Variants in MMRN1 observed in about 807,000 individuals in gnomAD.
The protein encoded by MMRN1 is multimerin-1.
A neutral mutation model predicts 100.7 loss-of-function variants in MMRN1; 94 were observed. The observed-to-expected ratio is 0.93, with a 90% CI of 0.79 to 1.11. The LOEUF is 1.11. Among genes scored for constraint, MMRN1 ranks in the 50% least tolerant of loss-of-function variants. The pLI is 0.00. For synonymous variants in MMRN1, 575 were observed against 505.0 expected (o/e 1.14, Z -1.86); for missense variants, 1,606 against 1,439.1 (o/e 1.12, Z -1.88).
chr4:89,939,478 G>T (rs1722756472), intron 6 of MMRN1, among the ~76,000 whole-genome samples: 1 of 151,908 alleles, frequency 6.6e-6, no homozygotes, highest in African/African-American at 2.4e-5. Context: ...TATATCTCAG[G>T]CACTGTGAAA....
chr4:89,889,433 T>C (rs1721002546), intron 1 of MMRN1, among the ~76,000 whole-genome samples: 1 of 152,150 alleles, frequency 6.6e-6, no homozygotes, highest in Non-Finnish European at 1.5e-5. Context: ...CAGTATCCAC[T>C]GCCTTATCAA....
intron 1 of MMRN1, among the ~76,000 whole-genome samples, chr4:89,884,739 G>A (rs577018017): frequency 6.6e-6 from 1 of 152,046 alleles, no homozygotes; most frequent in African/African-American, 2.4e-5. Context: ...TGGGACTACA[G>A]GAGTGTGCCA....
At chr4:89,907,882 G>C (rs1721621086) in intron 1 of MMRN1, among the ~76,000 whole-genome samples, 1 of 138,572 alleles carries the variant, frequency 7.2e-6, no homozygotes, top group African/African-American at 2.7e-5. Context: ...GTCCTGTTTT[G>C]CTGCTTTTTC....
chr4:89,901,271 T>C (rs777644188), intron 1 of MMRN1, among the ~76,000 whole-genome samples: 77 of 152,046 alleles, frequency 5.1e-4, no homozygotes, highest in Non-Finnish European at 1.1e-3. Context: ...CATACATATG[T>C]TAACATGTTA....
At chr4:89,916,542 A>G (rs1330429356) in intron 3 of MMRN1, among the ~76,000 whole-genome samples, 2 of 151,726 alleles carry the variant, frequency 1.3e-5, no homozygotes, top group South Asian at 4.1e-4. Flanking sequence ...AAATATGAAA[A>G]AAGCTTAATT....
chr4:89,881,803 A>G (rs1447387180), intron 1 of MMRN1, among the ~76,000 whole-genome samples: 1 of 151,994 alleles, frequency 6.6e-6, no homozygotes, highest in Non-Finnish European at 1.5e-5. Context: ...ACTACCTTTA[A>G]ACTTATAGTT....
At chr4:89,897,498 G>A (rs571787970) in intron 1 of MMRN1, among the ~76,000 whole-genome samples, 103 of 152,086 alleles carry the variant, frequency 6.8e-4, no homozygotes, top group Middle Eastern at 3.4e-3. Flanking sequence ...GTGAGCCACC[G>A]CACCCAGCCA....
At chr4:89,919,990 C>T (rs555904053) in intron 3 of MMRN1, among the ~76,000 whole-genome samples, 1 of 152,104 alleles carries the variant, frequency 6.6e-6, no homozygotes, top group African/African-American at 2.4e-5. Flanking sequence ...AATCTATGCA[C>T]TGCCTGACAT....
chr4:89,918,002 A>G (rs867472616), intron 3 of MMRN1, among the ~76,000 whole-genome samples: 1 of 151,786 alleles, frequency 6.6e-6, no homozygotes, highest in Non-Finnish European at 1.5e-5. Flanking sequence ...GGCCAAATTC[A>G]TCTGGCAGCA....
chr4:89,923,464 A>G (rs1295663480), intron 4 of MMRN1, among the ~76,000 whole-genome samples, 192 bp downstream of exon 4: 1 of 152,250 alleles, frequency 6.6e-6, no homozygotes, highest in Admixed American at 6.5e-5. Context: ...TGAAAAGACC[A>G]TGTATAACTA....
chr4:89,894,453 TAC>T (rs1217146211), upstream of MMRN1, among the ~76,000 whole-genome samples: 5 of 152,198 alleles, frequency 3.3e-5, no homozygotes, highest in African/African-American at 1.2e-4. Flanking sequence ...CATGTGGATA[TAC>T]ACTTGAACAA....
chr4:89,915,360 T>C (rs1721878637), intron 3 of MMRN1, among the ~76,000 whole-genome samples: 1 of 151,540 alleles, frequency 6.6e-6, no homozygotes, highest in African/African-American at 2.4e-5. Context: ...TACTTCAATT[T>C]ACCTAGTAAA....
chr4:89,898,420 T>C (rs988410909), intron 1 of MMRN1, among the ~76,000 whole-genome samples: 1 of 152,020 alleles, frequency 6.6e-6, no homozygotes, highest in Non-Finnish European at 1.5e-5. Context: ...TTTAGAGTTG[T>C]AGCTCTCAGC....
chr4:89,953,043 T>C lies in MMRN1; in HGVS notation c.3312T>C (p.Phe1104=). 1 of 1,612,078 alleles carries C rather than the reference T, an allele frequency of 6.2e-7. No homozygotes were observed. Among genetic ancestry groups the C allele is most frequent in the Non-Finnish European group, 8.5e-7 (1 of 1,179,118 alleles). The change falls in exon 8 of 8, where the codon TTT becomes TTC. Residue 1104 remains phenylalanine (F), a synonymous_variant. Transcript: ENST00000264790. ...SYRYAPMVAF[F]ASHTYGMTIP... ...GATATGCACCCATGGTGGCATTTTT[T>C]GCATCTCATACGTATGGAATGACTA...
intron 4 of MMRN1, among the ~76,000 whole-genome samples, chr4:89,926,213 G>A (rs1203341473): frequency 2.6e-5 from 4 of 152,090 alleles, no homozygotes; most frequent in Admixed American, 6.6e-5. Flanking sequence ...ACTGTTCTCC[G>A]TAGTGGTTGT....
intron 1 of MMRN1, among the ~76,000 whole-genome samples, chr4:89,898,393 A>G (rs759547516): frequency 1.3e-5 from 2 of 152,010 alleles, no homozygotes; most frequent in Non-Finnish European, 2.9e-5. Flanking sequence ...CAAAGACTCA[A>G]ATCCAAGCTG....
chr4:89,903,098 G>T (rs931629225), intron 1 of MMRN1, among the ~76,000 whole-genome samples: 1 of 151,654 alleles, frequency 6.6e-6, no homozygotes, highest in Non-Finnish European at 1.5e-5. Context: ...TACATATCAA[G>T]AATCTTTTCA....
intron 6 of MMRN1, among the ~76,000 whole-genome samples, chr4:89,941,153 G>C (rs1261246398): frequency 1.3e-5 from 2 of 151,992 alleles, no homozygotes; most frequent in East Asian, 3.8e-4. Flanking sequence ...GTACAAAATG[G>C]CTGAATATAA....
chr4:89,893,766 A>G (rs1264423399), upstream of MMRN1, among the ~76,000 whole-genome samples: 1 of 151,528 alleles, frequency 6.6e-6, no homozygotes, highest in African/African-American at 2.4e-5. Context: ...GGGTTATGTA[A>G]CTACTGAATT....
Sources: gnomAD v4.1 joint callset for allele counts (sites outside exome capture counted in the v4.1 genomes callset) on GRCh38, gnomAD v4.1.1 for gene constraint, MANE v1.5 for transcripts, NCBI Gene and HGNC (gene_info 2026-07-23, HGNC 2026-07-21) for gene names.